The following DSCAML1 variants were observed in gnomAD, a reference collection of about 807,000 sequenced individuals.
DSCAML1 encodes the protein DS cell adhesion molecule like 1.
Under a neutral mutation model 200.5 loss-of-function variants are expected in DSCAML1, and 38 were observed. The observed-to-expected ratio is 0.19, with a 90% CI of 0.15 to 0.25. The LOEUF (loss-of-function observed/expected upper bound fraction) is 0.25, where lower values mean the gene tolerates loss of function less well. Among genes scored for constraint, DSCAML1 ranks in the 10% least tolerant of loss-of-function variants. The pLI is 1.00. For missense variants in DSCAML1, 2,223 were observed against 2,858.8 expected, an observed-to-expected ratio of 0.78 and a Z score of 5.07; for synonymous variants, 1,215 against 1,165.0, an observed-to-expected ratio of 1.04 and a Z score of -0.87.
chr11:117,691,633 C>T (rs770887723), intron 3 of DSCAML1, among the ~76,000 whole-genome samples: 3 of 152,180 alleles, frequency 2.0e-5, no homozygotes, highest in Admixed American at 1.3e-4. Flanking sequence ...AAGTCGGATT[C>T]GTTCCCTGCT....
intron 3 of DSCAML1, among the ~76,000 whole-genome samples, chr11:117,743,167 CAG>C (rs1295628359): frequency 6.6e-6 from 1 of 152,144 alleles, no homozygotes; most frequent in East Asian, 1.9e-4. Flanking sequence ...ATAGGGGAGA[CAG>C]AGAAGTCAAT....
At chr11:117,596,416 A>G (rs113958703) in intron 3 of DSCAML1, among the ~76,000 whole-genome samples, 103 of 151,894 alleles carry the variant, frequency 6.8e-4, no homozygotes, top group South Asian at 4.8e-3. Context: ...TCAGTAGGAC[A>G]TGCCAAAAGG....
intron 20 of DSCAML1, among the ~76,000 whole-genome samples, chr11:117,445,728 G>A (rs573203280): frequency 6.6e-6 from 1 of 152,308 alleles, no homozygotes; most frequent in Non-Finnish European, 1.5e-5. Flanking sequence ...ATGTGCTTGT[G>A]TGCATCAGTG....
chr11:117,810,927 A>G (rs2055755682), intron 1 of DSCAML1, among the ~76,000 whole-genome samples: 1 of 151,664 alleles, frequency 6.6e-6, no homozygotes, highest in Non-Finnish European at 1.5e-5. Flanking sequence ...GAGTCTTTCT[A>G]ATCTTCCTTT....
chr11:117,670,643 CA>C (rs1382364861), intron 3 of DSCAML1, among the ~76,000 whole-genome samples: 4 of 152,148 alleles, frequency 2.6e-5, no homozygotes, highest in African/African-American at 9.7e-5. Context: ...TGTGATTGTT[CA>C]CTAAGCAGCA....
chr11:117,653,107 G>A (rs1052786215), intron 3 of DSCAML1, among the ~76,000 whole-genome samples: 2 of 152,136 alleles, frequency 1.3e-5, no homozygotes, highest in Non-Finnish European at 2.9e-5. Context: ...AGGACAAGCA[G>A]CACATTCCCT....
At chr11:117,543,953 A>G (rs2082965877) in intron 3 of DSCAML1, among the ~76,000 whole-genome samples, 1 of 152,150 alleles carries the variant, frequency 6.6e-6, no homozygotes, top group Admixed American at 6.5e-5. Flanking sequence ...CAGGAAAACC[A>G]GAAGCTGAGG....
At chr11:117,627,516 CTT>C (rs2052075808) in intron 3 of DSCAML1, among the ~76,000 whole-genome samples, 1 of 152,126 alleles carries the variant, frequency 6.6e-6, no homozygotes, top group African/African-American at 2.4e-5. Context: ...ACACTCGTGC[CTT>C]CCCCTGAGCC....
chr11:117,499,013 G>A (rs1252794168), intron 11 of DSCAML1, among the ~76,000 whole-genome samples: 2 of 152,090 alleles, frequency 1.3e-5, no homozygotes, highest in South Asian at 2.1e-4. Flanking sequence ...GAGGATGGCC[G>A]AGTCCCAGGA....
intron 11 of DSCAML1, among the ~76,000 whole-genome samples, chr11:117,493,473 T>C (rs773550128): frequency 2.6e-5 from 4 of 151,790 alleles, no homozygotes; most frequent in African/African-American, 9.7e-5. Context: ...TGCGCCATCA[T>C]GCCCAGCTAA....
At chr11:117,547,053 C>T (rs946601913) in intron 3 of DSCAML1, among the ~76,000 whole-genome samples, 5 of 152,102 alleles carry the variant, frequency 3.3e-5, no homozygotes, top group East Asian at 1.9e-4. Flanking sequence ...AAAAGAGAGG[C>T]GAGGAGTGGG....
chr11:117,634,767 C>T (rs956998794), intron 3 of DSCAML1, among the ~76,000 whole-genome samples: 5 of 152,158 alleles, frequency 3.3e-5, no homozygotes, highest in Admixed American at 2.0e-4. Flanking sequence ...CCCTACTCCT[C>T]GAGGCTGCGG....
intron 3 of DSCAML1, among the ~76,000 whole-genome samples, chr11:117,590,974 G>A (rs192391340): frequency 6.6e-6 from 1 of 152,278 alleles, no homozygotes; most frequent in East Asian, 1.9e-4. Context: ...CACAAAACAG[G>A]GGGAGTGATG....
chr11:117,446,488 A>G (rs2048179585), intron 20 of DSCAML1, among the ~76,000 whole-genome samples: 1 of 152,254 alleles, frequency 6.6e-6, no homozygotes, highest in Non-Finnish European at 1.5e-5. Flanking sequence ...ACACTTATAA[A>G]TCAATAAGAA....
chr11:117,793,123 C>T (rs12146702), intron 1 of DSCAML1, among the ~76,000 whole-genome samples: 7,391 of 152,286 alleles, frequency 0.049, 282 homozygotes, highest in Non-Finnish European at 0.073. Flanking sequence ...CAGCTTTTGG[C>T]CTGGCTAGGT....
At chr11:117,769,576 A>C (rs1229282513) in intron 3 of DSCAML1, among the ~76,000 whole-genome samples, 3 of 124,412 alleles carry the variant, frequency 2.4e-5, no homozygotes, top group African/African-American at 9.3e-5. Flanking sequence ...TATATTATAT[A>C]TTTTTTATAT....
chr11:117,653,545 T>C (rs1411415084), intron 3 of DSCAML1, among the ~76,000 whole-genome samples: 1 of 152,138 alleles, frequency 6.6e-6, no homozygotes, highest in African/African-American at 2.4e-5. Context: ...GGTGAGGATT[T>C]AAGAGAGGAC....
intron 3 of DSCAML1, among the ~76,000 whole-genome samples, chr11:117,603,230 G>A (rs367629805): frequency 1.3e-5 from 2 of 152,308 alleles, no homozygotes; most frequent in East Asian, 1.9e-4. Flanking sequence ...TCCTGGCCTC[G>A]AAATTCTCAG....
chr11:117,767,206 C>T (rs2054915367), intron 3 of DSCAML1, among the ~76,000 whole-genome samples: 1 of 152,160 alleles, frequency 6.6e-6, no homozygotes, highest in South Asian at 2.1e-4. Flanking sequence ...TGAAGTCAAA[C>T]TGCCCTGGGC....
Sources: gnomAD v4.1 joint callset for allele counts (sites outside exome capture counted in the v4.1 genomes callset) on GRCh38, gnomAD v4.1.1 for gene constraint, MANE v1.5 for transcripts, NCBI Gene and HGNC (gene_info 2026-07-23, HGNC 2026-07-21) for gene names.